Variants in PARP16 observed in about 807,000 individuals in gnomAD.
PARP16 encodes the protein protein mono-ADP-ribosyltransferase PARP16.
Under a neutral mutation model 35.0 loss-of-function variants are expected in PARP16, and 31 were observed. The ratio of observed to expected loss-of-function variants is 0.88; its 90% CI spans 0.66 to 1.19. PARP16 has a LOEUF of 1.19. Ranked by LOEUF, PARP16 falls within the 50% of genes most tolerant of loss-of-function variation. The pLI, the probability that PARP16 is intolerant of heterozygous loss-of-function variation, is 0.00. For synonymous variants in PARP16, 162 were observed against 169.5 expected (o/e 0.96, Z 0.34); for missense variants, 424 against 411.2 (o/e 1.03, Z -0.27).
intron 2 of PARP16, among the ~76,000 whole-genome samples, chr15:65,249,010 T>C (rs2089286650): frequency 6.6e-6 from 1 of 152,112 alleles, no homozygotes; most frequent in African/African-American, 2.4e-5. Flanking sequence ...ATCTAGTGAA[T>C]AGCGCTTTTC....
chr15:65,269,174 T>TCTCTCTCTCTCTCTCTCTC (rs60229565), intron 2 of PARP16, among the ~76,000 whole-genome samples: 31 of 146,832 alleles, frequency 2.1e-4, no homozygotes, highest in African/African-American at 6.8e-4. Flanking sequence ...TTTAGTCGGT[T>TCTCTCTCTCTCTCTCTCTC]TTTTTCTTTC....
intron 4 of PARP16, among the ~76,000 whole-genome samples, chr15:65,262,861 C>A (rs1279346833): frequency 6.6e-6 from 1 of 152,206 alleles, no homozygotes; most frequent in Non-Finnish European, 1.5e-5. Context: ...CTTTCCCTGG[C>A]TGCTTGGACC....
intron 1 of PARP16, among the ~76,000 whole-genome samples, chr15:65,277,795 G>C (rs1246067522): frequency 6.6e-6 from 1 of 152,216 alleles, no homozygotes; most frequent in African/African-American, 2.4e-5. Context: ...AGCTAATCAG[G>C]TATGATATTG....
chr15:65,282,139 T>C (rs2090438411), intron 1 of PARP16, among the ~76,000 whole-genome samples: 1 of 152,270 alleles, frequency 6.6e-6, no homozygotes, highest in East Asian at 1.9e-4. Context: ...GCCTCCCAAG[T>C]AGCTGGGACT....
At chr15:65,279,633 G>A (rs2090358392) in intron 1 of PARP16, among the ~76,000 whole-genome samples, 1 of 152,162 alleles carries the variant, frequency 6.6e-6, no homozygotes, top group South Asian at 2.1e-4. Context: ...GGTAATCTGA[G>A]AGATCAAGAA....
rs141925091 is a variant in PARP16 at position 65,272,982 on chromosome 15, A to G, written c.175-1910T>C. On this transcript the variant is annotated intron_variant, in intron 1 of 5. Transcript: ENST00000649807. Reference sequence around the variant, plus strand: ...TGCAAGGGATGTAGTTGGCACTTCAAGAATACCTGTGTGGTGGCCCGGTGT... The same window carrying G: ...TGCAAGGGATGTAGTTGGCACTTCAGGAATACCTGTGTGGTGGCCCGGTGT... Among the ~76,000 whole-genome samples, 648 of 152,264 alleles carry G rather than the reference A, an allele frequency of 4.3e-3. 5 individuals are homozygous for G. Among genetic ancestry groups the G allele is most frequent in the African/African-American group, 0.015 (616 of 41,546 alleles).
intron 5 of PARP16, 138 bp downstream of exon 5, chr15:65,260,747 T>C (rs920362510): frequency 6.8e-6 from 5 of 730,506 alleles, no homozygotes; most frequent in Non-Finnish European, 7.0e-6. Context: ...CTCTCACTTC[T>C]CACCGTGTCC....
At chr15:65,233,020 T>A (rs182079486), downstream of PARP16, among the ~76,000 whole-genome samples, 159 of 151,834 alleles carry the variant, frequency 1.0e-3, 2 homozygotes, top group South Asian at 7.7e-3. Context: ...TTTAAAATTT[T>A]AAAAAATTAA....
chr15:65,241,116 A>T, intron 3 of PARP16, among the ~76,000 whole-genome samples: 1 of 138,788 alleles, frequency 7.2e-6, no homozygotes, highest in South Asian at 2.3e-4. Flanking sequence ...GATTACAGGT[A>T]TGAGCCATCA....
chr15:65,238,760 G>A (rs2088958399), intron 3 of PARP16, among the ~76,000 whole-genome samples: 2 of 152,172 alleles, frequency 1.3e-5, no homozygotes, highest in African/African-American at 4.8e-5. Context: ...TAGTTGACAT[G>A]CAATTAATTG....
chr15:65,265,090 A>G (rs540435565), intron 3 of PARP16, among the ~76,000 whole-genome samples: 1 of 152,286 alleles, frequency 6.6e-6, no homozygotes, highest in East Asian at 1.9e-4. Context: ...GCAAAACCCA[A>G]CGACATTAAC....
At position 65,258,698 on chromosome 15, in the gene PARP16, G is replaced by C. The variant is rs1389258423; in HGVS notation, c.*709C>G. On this transcript the variant is annotated 3_prime_UTR_variant, in exon 6 of 6. Transcript: ENST00000649807. ...ACAAACATTTGGTTCCATTTCAGCT[G>C]TAATCAGCAGTTGGTAATTTTTGGA... The C allele has an allele frequency of 6.6e-6, 1 of 152,534 alleles. No individual in the cohort carries two copies. The highest frequency in any genetic ancestry group is 1.5e-5 in the Non-Finnish European group (1 of 68,028). The allele number at this position is 152,534 out of a possible 1,614,324, so 9.4% of individuals were successfully genotyped here.
chr15:65,284,703 TA>T (rs1446400860), intron 1 of PARP16, among the ~76,000 whole-genome samples: 1 of 151,966 alleles, frequency 6.6e-6, no homozygotes, highest in Admixed American at 6.6e-5. Flanking sequence ...ATACTCTGTG[TA>T]AAACTGGGAA....
chr15:65,232,446 T>TA (rs2088789011), downstream of PARP16, among the ~76,000 whole-genome samples: 1 of 152,126 alleles, frequency 6.6e-6, no homozygotes, highest in African/African-American at 2.4e-5. Flanking sequence ...ACTGAAACAC[T>TA]AAAAAATGTG....
chr15:65,280,806 G>GA (rs1044523772), intron 1 of PARP16, among the ~76,000 whole-genome samples: 143 of 151,294 alleles, frequency 9.5e-4, no homozygotes, highest in African/African-American at 3.2e-3. Flanking sequence ...AAAGAGGGAG[G>GA]AAAAAAAAGA....
downstream of PARP16, among the ~76,000 whole-genome samples, chr15:65,254,683 G>A (rs1344370489): frequency 6.6e-6 from 1 of 152,158 alleles, no homozygotes; most frequent in Non-Finnish European, 1.5e-5. Flanking sequence ...GAATGCTGCT[G>A]ACTCCATGCC....
In PARP16 at chr15:65,258,837, T is replaced by C. The variant is rs1287102751; in HGVS notation, c.*570A>G. On this transcript the variant is annotated 3_prime_UTR_variant, in exon 6 of 6. Transcript: ENST00000649807. ...TTGGGGAGGGGGGCAAGTACAGCTA[T>C]AGGAGAAGGCTGTTTGTTGATTTGA... 6.5e-6 allele frequency: 1 copy of C among 152,692 alleles called. No individual in the cohort carries two copies. Among genetic ancestry groups the C allele is most frequent in the Non-Finnish European group, 1.5e-5 (1 of 68,084 alleles). 9.5% of individuals were successfully genotyped at this position (152,692 alleles called of 1,614,324 possible).
intron 1 of PARP16, among the ~76,000 whole-genome samples, chr15:65,286,022 G>T (rs970005493): frequency 1.3e-5 from 2 of 152,202 alleles, no homozygotes; most frequent in African/African-American, 4.8e-5. Context: ...ATTTGTCATT[G>T]ACAGGAGAGA....
rs2090589547 is a variant in PARP16 at position 65,286,249 on chromosome 15, T to C, written c.174+4A>G. 2 of 1,562,344 alleles carry C rather than the reference T, an allele frequency of 1.3e-6. No individual in the cohort carries two copies. The highest frequency in any genetic ancestry group is 8.6e-7 in the Non-Finnish European group (1 of 1,157,252). On this transcript the variant is annotated splice_donor_region_variant and intron_variant, in intron 1 of 5. Coordinates refer to ENST00000649807, the MANE Select transcript of PARP16 (RefSeq NM_001316943.2). Reference sequence around the variant, plus strand: ...TGGGCAGCGCCAGGACAAAGCACACTCACCAGGGCTTCAAAGTCCTTACAG... The same window carrying C: ...TGGGCAGCGCCAGGACAAAGCACACCCACCAGGGCTTCAAAGTCCTTACAG...
Sources: allele counts gnomAD v4.1 joint callset (sites outside exome capture counted in the v4.1 genomes callset), GRCh38; gene constraint gnomAD v4.1.1; transcripts MANE v1.5; gene names NCBI Gene and HGNC (gene_info 2026-07-23, HGNC 2026-07-21).